CDH12: variants seen among roughly 807,000 people sequenced by gnomAD.
CDH12 encodes cadherin 12.
In CDH12, 41 loss-of-function variants were observed where a neutral mutation model predicts 74.1. The ratio of observed to expected loss-of-function variants is 0.55; its 90% CI spans 0.43 to 0.72. The LOEUF is 0.72. CDH12 is among the 30% of genes least tolerant of loss of function. The pLI is 0.00. For synonymous variants in CDH12, 399 were observed against 355.0 expected, an observed-to-expected ratio of 1.12 and a Z score of -1.39; for missense variants, 945 against 977.2, an observed-to-expected ratio of 0.97 and a Z score of 0.44.
intron 2 of CDH12, among the ~76,000 whole-genome samples, chr5:22,415,646 A>T (rs1267725493): frequency 1.3e-5 from 2 of 152,214 alleles, no homozygotes; most frequent in Non-Finnish European, 2.9e-5. Flanking sequence ...CCCTGCTGAG[A>T]GGCAGCGGGC....
At chr5:21,889,710 G>C in intron 6 of CDH12, 1 of 985,090 alleles carries the variant, frequency 1.0e-6, no homozygotes, top group Non-Finnish European at 1.2e-6. Context: ...CTGCATTCTA[G>C]ACATCTCAAA....
In CDH12 at chr5:22,125,022, C is replaced by T. The variant is rs373089089; in HGVS notation, c.-186-46160G>A. On this transcript the variant is annotated intron_variant, in intron 4 of 14. Transcript: ENST00000382254. Reference sequence around the variant, plus strand: ...ATGTCTGTTCCTGTGTAAGGTGCACCTGTCCTTGCTTCAAGGGGAGTGGGT... The same window carrying T: ...ATGTCTGTTCCTGTGTAAGGTGCACTTGTCCTTGCTTCAAGGGGAGTGGGT... Among the ~76,000 whole-genome samples the T allele has an allele frequency of 3.1e-3, 468 of 152,272 alleles. 2 individuals carry two copies. The highest frequency in any genetic ancestry group is 4.9e-3 in the Non-Finnish European group (332 of 68,024).
At chr5:22,757,833 T>A (rs1041301898) in intron 1 of CDH12, among the ~76,000 whole-genome samples, 1 of 152,200 alleles carries the variant, frequency 6.6e-6, no homozygotes, top group Non-Finnish European at 1.5e-5. Context: ...AATCCTTTCA[T>A]GCATTACACT....
chr5:22,008,582 A>G (rs1421716198), intron 5 of CDH12, among the ~76,000 whole-genome samples: 1 of 152,152 alleles, frequency 6.6e-6, no homozygotes. Flanking sequence ...TTTCACAGCC[A>G]CTTGAGGTTT....
At chr5:22,097,173 C>T (rs1191677443) in intron 4 of CDH12, among the ~76,000 whole-genome samples, 1 of 152,164 alleles carries the variant, frequency 6.6e-6, no homozygotes, top group Non-Finnish European at 1.5e-5. Context: ...AGGATTCCTC[C>T]TAAGCTGTGT....
intron 1 of CDH12, among the ~76,000 whole-genome samples, chr5:22,649,458 C>T (rs1739615902): frequency 6.6e-6 from 1 of 151,918 alleles, no homozygotes; most frequent in Non-Finnish European, 1.5e-5. Context: ...TTTTCACATA[C>T]TAATGCAAGG....
At chr5:22,841,493 A>T (rs938635262) in intron 1 of CDH12, among the ~76,000 whole-genome samples, 12 of 152,126 alleles carry the variant, frequency 7.9e-5, no homozygotes, top group African/African-American at 2.7e-4. Flanking sequence ...AGTATAGGAG[A>T]TTAGATTTTG....
At chr5:22,538,199 C>T (rs897608436) in intron 1 of CDH12, among the ~76,000 whole-genome samples, 3 of 152,118 alleles carry the variant, frequency 2.0e-5, no homozygotes, top group Non-Finnish European at 4.4e-5. Flanking sequence ...CTACCATCTC[C>T]GTCACAGTCT....
chr5:22,773,904 T>C (rs1746949730), intron 1 of CDH12, among the ~76,000 whole-genome samples: 2 of 152,082 alleles, frequency 1.3e-5, no homozygotes, highest in South Asian at 4.1e-4. Flanking sequence ...AACATCACTA[T>C]CAGAGAAATG....
intron 1 of CDH12, among the ~76,000 whole-genome samples, chr5:22,663,054 C>T (rs569929303): frequency 1.3e-5 from 2 of 152,278 alleles, no homozygotes; most frequent in South Asian, 4.1e-4. Context: ...TAGGGGTTTA[C>T]TCTGTAAATC....
intron 10 of CDH12, among the ~76,000 whole-genome samples, chr5:21,797,714 T>C (rs573695407): frequency 1.1e-4 from 16 of 152,306 alleles, no homozygotes; most frequent in African/African-American, 3.6e-4. Flanking sequence ...GGAGAATTTC[T>C]TTCATGTTAA....
intron 3 of CDH12, among the ~76,000 whole-genome samples, chr5:22,254,386 T>C (rs576190889): frequency 1.3e-5 from 2 of 152,002 alleles, no homozygotes; most frequent in East Asian, 3.9e-4. Flanking sequence ...TATTAATGAG[T>C]ATAGTTTCTC....
chr5:22,586,932 C>T (rs764871247), intron 1 of CDH12, among the ~76,000 whole-genome samples: 4 of 149,198 alleles, frequency 2.7e-5, no homozygotes, highest in Admixed American at 6.8e-5. Flanking sequence ...CTGCAACCTC[C>T]GCCTCCTGGG....
intron 6 of CDH12, among the ~76,000 whole-genome samples, chr5:21,946,643 T>C (rs1755591346): frequency 6.6e-6 from 1 of 152,200 alleles, no homozygotes; most frequent in East Asian, 1.9e-4. Flanking sequence ...CATAATGATG[T>C]TTTGCTCAGC....
intron 3 of CDH12, among the ~76,000 whole-genome samples, chr5:22,326,199 T>G (rs1739089159): frequency 6.6e-6 from 1 of 151,738 alleles, no homozygotes; most frequent in Non-Finnish European, 1.5e-5. Context: ...TTTATCTATT[T>G]CAGCAGGACT....
intron 3 of CDH12, among the ~76,000 whole-genome samples, chr5:22,281,371 C>T (rs1736875019): frequency 6.6e-6 from 1 of 152,080 alleles, no homozygotes; most frequent in Admixed American, 6.6e-5. Flanking sequence ...GGAGTTCTAG[C>T]CAGGGCAATC....
intron 1 of CDH12, among the ~76,000 whole-genome samples, chr5:22,625,469 A>G (rs1324761158): frequency 6.6e-6 from 1 of 152,194 alleles, no homozygotes; most frequent in Non-Finnish European, 1.5e-5. Context: ...TTGGTTGGGA[A>G]GGTGGCAGGG....
At chr5:22,359,222 G>C (rs980056202) in intron 3 of CDH12, among the ~76,000 whole-genome samples, 1 of 152,224 alleles carries the variant, frequency 6.6e-6, no homozygotes, top group Admixed American at 6.6e-5. Context: ...TCAAAATAAA[G>C]GGATGGAGGA....
In CDH12 at chr5:22,548,381, C is replaced by G. The variant is rs1361497746; in HGVS notation, c.-522-43017G>C. 1.3e-5 allele frequency among the ~76,000 whole-genome samples: 2 copies of G among 152,162 alleles called. 1 individual carries two copies. ...TGCAACCCTCCACTACCCTGTGTGG[C>G]TTGTATAATCTAAATCTTCACAGTG... On this transcript the variant is annotated intron_variant, in intron 1 of 14. Transcript: ENST00000382254.
Sources: gnomAD v4.1 joint callset for allele counts (sites outside exome capture counted in the v4.1 genomes callset) on GRCh38, gnomAD v4.1.1 for gene constraint, MANE v1.5 for transcripts, NCBI Gene and HGNC (gene_info 2026-07-23, HGNC 2026-07-21) for gene names.